ZNF106: variants seen among roughly 807,000 people sequenced by gnomAD.
ZNF106 encodes SH3-domain binding protein 3.
Under a neutral mutation model 195.1 loss-of-function variants are expected in ZNF106, and 67 were observed. The ratio of observed to expected loss-of-function variants is 0.34; its 90% CI spans 0.28 to 0.42. ZNF106 has a LOEUF of 0.42. Among genes scored for constraint, ZNF106 ranks in the 10% least tolerant of loss-of-function variants. The pLI is 1.00. For missense variants in ZNF106, 2,118 were observed against 2,304.5 expected, an observed-to-expected ratio of 0.92 and a Z score of 1.66; for synonymous variants, 784 against 818.6, an observed-to-expected ratio of 0.96 and a Z score of 0.72.
At position 42,473,386 on chromosome 15, in the gene ZNF106, G is replaced by A. The variant is rs200316218; in HGVS notation, c.-32-1065C>T. The stretch of plus-strand genomic sequence containing the variant: ...AATATCTGTTTCTCTCTTCCTCTCC[G>A]AATCATTCGCATGCCCTCCCGTTCT... On this transcript the variant is annotated intron_variant, in intron 1 of 21. Transcript: ENST00000564754. Among the ~76,000 whole-genome samples, 7 of 152,066 alleles carry A rather than the reference G, an allele frequency of 4.6e-5. No homozygotes were observed. In the East Asian group the frequency reaches 1.2e-3, roughly 25 times the overall value.
Position 42,422,497 on chromosome 15 carries a change from C to G in ZNF106, c.5373+4G>C. The G allele has an allele frequency of 6.2e-7, 1 of 1,611,038 alleles. No homozygotes were observed. On this transcript the variant is annotated splice_donor_region_variant and intron_variant, in intron 18 of 21. Transcript: ENST00000564754. ...TCAAGCAAAATACTGAATCTAAATT[C>G]TACCTGTAATTCATAGACACGAACA...
At chr15:42,481,342 GT>G (rs10706782) in intron 1 of ZNF106, among the ~76,000 whole-genome samples, 13,257 of 119,018 alleles carry the variant, frequency 0.11, 1,254 homozygotes, top group African/African-American at 0.28. Flanking sequence ...TATTCTTTCT[GT>G]TTTTTTTTTT....
chr15:42,439,274 T>A lies in ZNF106; in HGVS notation c.4303A>T (p.Ser1435Cys). The A allele has an allele frequency of 6.2e-7, 1 of 1,614,174 alleles. No homozygotes were observed. The highest frequency in any genetic ancestry group is 8.5e-7 in the Non-Finnish European group (1 of 1,180,050). Residue 1435 changes from serine (S) to cysteine (C), a missense_variant, in exon 11 of 22, where the codon AGT becomes TGT. Coordinates refer to ENST00000564754, the MANE Select transcript of ZNF106 (RefSeq NM_001366845.3). ...TCACTATCTGGCTCATCTCTGACACTCTCCTGCTCCCGACCAGTCCTGCTG... is the reference window on the plus strand; with the variant it reads ...TCACTATCTGGCTCATCTCTGACACACTCCTGCTCCCGACCAGTCCTGCTG... ...EDSRTGREQESVRDEPDSDSS... is the reference protein window; with the variant it reads ...EDSRTGREQECVRDEPDSDSS...
chr15:42,442,524 A>G (rs1034374509), intron 9 of ZNF106, 110 bp from the exon 10 acceptor site: 4 of 850,034 alleles, frequency 4.7e-6, no homozygotes, highest in African/African-American at 1.7e-5. Context: ...ATAAATAAGT[A>G]TATTAGTATA....
chr15:42,472,166 A>G lies in ZNF106; in HGVS notation c.54+70T>C. ...TAACATATGTCTATTAATATTAATA[A>G]CATCTATTAATAACATGTCTCTTTA... On this transcript the variant is annotated intron_variant, in intron 2 of 21. Transcript: ENST00000564754. 2.3e-6 allele frequency: 3 copies of G among 1,330,266 alleles called. 1 individual carries two copies. In the South Asian group the frequency reaches 4.1e-5, roughly 18 times the overall value. 82.4% of individuals were successfully genotyped at this position (1,330,266 alleles called of 1,614,324 possible). A position where few individuals can be genotyped will look rare whatever the true frequency, so the allele number is the denominator to read the frequency against.
At position 42,435,454 on chromosome 15, in the gene ZNF106, T is replaced by C. The variant is rs1330627143; in HGVS notation, c.4811A>G (p.Gln1604Arg). 18 of 1,614,070 alleles carry C rather than the reference T, an allele frequency of 1.1e-5. No homozygotes were observed. The highest frequency in any genetic ancestry group is 3.3e-5 in the Admixed American group (2 of 60,008). Residue 1604 changes from glutamine to arginine, a missense_variant, in exon 14 of 22, where the codon CAG becomes CGG. Physicochemically the swap from Gln to Arg is conservative, Grantham distance 43. Transcript: ENST00000564754. ...AAGGGCAGCATTCTTCCCGGAGGTC[T>C]GAGTAACCAGGAGGCAGTTAACTTT... Reference protein sequence around the residue: ...TSKVNCLLVTQTSGKNAALYT... With the variant: ...TSKVNCLLVTRTSGKNAALYT...
chr15:42,447,700 C>T (rs960018937), intron 6 of ZNF106, among the ~76,000 whole-genome samples: 1 of 152,144 alleles, frequency 6.6e-6, no homozygotes, highest in Non-Finnish European at 1.5e-5. Flanking sequence ...TCATCCATGC[C>T]CTACAAGTGC....
rs562320058 is a variant in ZNF106 at position 42,477,917 on chromosome 15, A to C, written c.-32-5596T>G. ...AAAAAAACAAAAAAAAACAAACAAA[A>C]AAAACTTACATTAGTGTGTTACATT... On this transcript the variant is annotated intron_variant, in intron 1 of 21. Coordinates refer to ENST00000564754, the MANE Select transcript of ZNF106 (RefSeq NM_001366845.3). Among the ~76,000 whole-genome samples the C allele has an allele frequency of 5.9e-5, 9 of 152,084 alleles. No individual in the cohort carries two copies. In the East Asian group the frequency reaches 1.4e-3, roughly 23 times the overall value.
chr15:42,474,080 A>T (rs371357367), intron 1 of ZNF106, among the ~76,000 whole-genome samples: 3 of 152,220 alleles, frequency 2.0e-5, no homozygotes, highest in African/African-American at 7.2e-5. Context: ...CTCCAGGTCC[A>T]GCCACCAATG....
rs1595435277 is a variant in ZNF106 at position 42,424,721 on chromosome 15, C to A, written c.5190+113G>T. ...TCTCGAACTTCTGAGCTCAAGCGAT[C>A]CCCCTGCCTCACCCTCCCAAAGTGC... On this transcript the variant is annotated intron_variant, in intron 16 of 21. Transcript: ENST00000564754. 5.6e-6 allele frequency: 6 copies of A among 1,069,990 alleles called. No homozygotes were observed. The South Asian group carries it at 1.1e-4, about 19-fold the overall frequency. 66.3% of individuals were successfully genotyped at this position (1,069,990 alleles called of 1,614,324 possible).
At chr15:42,465,535 C>T (rs1056241315) in intron 3 of ZNF106, among the ~76,000 whole-genome samples, 4 of 152,062 alleles carry the variant, frequency 2.6e-5, no homozygotes, top group Admixed American at 1.3e-4. Context: ...CCCTGGGCTC[C>T]CAAAGTGTTG....
In ZNF106 at chr15:42,421,998, A is replaced by G. The variant is rs759422191; in HGVS notation, c.5374-10T>C. 24 of 1,134,260 alleles carry G rather than the reference A, an allele frequency of 2.1e-5. No homozygotes were observed. In the South Asian group the frequency reaches 2.1e-4, roughly 10 times the overall value. The allele number at this position is 1,134,260 out of a possible 1,614,324, so 70.3% of individuals were successfully genotyped here. ...GTAATCGATCATGAGACTTAGGCAG[A>G]AAAAAAAAAAGAGAATTGAAGTTAT... On this transcript the variant is annotated splice_polypyrimidine_tract_variant and intron_variant, in intron 18 of 21. Coordinates refer to ENST00000564754, the MANE Select transcript of ZNF106 (RefSeq NM_001366845.3).
rs2054367321 is a variant in ZNF106 at position 42,414,297 on chromosome 15, A to G, written c.*3007T>C. On this transcript the variant is annotated 3_prime_UTR_variant, in exon 22 of 22. Transcript: ENST00000564754. The stretch of plus-strand genomic sequence containing the variant: ...TATAATTTTCAAGACTCTTGTAAGT[A>G]GTAACACACAGCCATAAGCAGCCAA... 2.6e-5 allele frequency: 4 copies of G among 152,252 alleles called. No individual in the cohort carries two copies. In the South Asian group the frequency reaches 8.3e-4, roughly 31 times the overall value. The allele number at this position is 152,252 out of a possible 1,614,324, so 9.4% of individuals were successfully genotyped here.
chr15:42,488,927 C>T (rs1025297529), intron 1 of ZNF106, among the ~76,000 whole-genome samples: 5 of 151,604 alleles, frequency 3.3e-5, no homozygotes, highest in South Asian at 2.1e-4. Flanking sequence ...AAATACAAAA[C>T]GTTAGCCAGG....
chr15:42,437,878 G>T (rs2055342915), intron 12 of ZNF106, among the ~76,000 whole-genome samples: 1 of 146,588 alleles, frequency 6.8e-6, no homozygotes, highest in Non-Finnish European at 1.5e-5. Context: ...CTGGACTCCA[G>T]CCTGGGCGAC....
intron 1 of ZNF106, among the ~76,000 whole-genome samples, chr15:42,487,490 C>CAAA (rs961444853): frequency 0.064 from 2,831 of 44,464 alleles, 376 homozygotes; most frequent in African/African-American, 0.2. Context: ...GACCCTGTCT[C>CAAA]AAAAAAAAAA....
Position 42,466,103 on chromosome 15 carries a change from T to C in ZNF106, c.66A>G (p.Glu22=), listed in dbSNP as rs1028876939. 6.5e-7 allele frequency: 1 copy of C among 1,533,374 alleles called. No homozygotes were observed. Among genetic ancestry groups the C allele is most frequent in the Non-Finnish European group, 8.7e-7 (1 of 1,145,672 alleles). The allele number at this position is 1,533,374 out of a possible 1,614,324, so 95.0% of individuals were successfully genotyped here. A position where few individuals can be genotyped will look rare whatever the true frequency, so the allele number is the denominator to read the frequency against. Residue 22 remains glutamate (E), a synonymous_variant, in exon 3 of 22, where the codon GAA becomes GAG. Transcript: ENST00000564754. ...TGTGATGCAACATGCTCCGCATGTG[T>C]TCGTCCATCTCCTTCAAAATAAAAG... ...IVYSSKKEMD[E]HMRSMLHHRE...
chr15:42,457,055 G>C lies in ZNF106; in HGVS notation c.220C>G (p.Gln74Glu). Residue 74 changes from glutamine (Q) to glutamate (E), a missense_variant, in exon 4 of 22, where the codon CAG (glutamine) becomes GAG (glutamate). Physicochemically the swap from Gln to Glu is conservative, Grantham distance 29. Coordinates refer to ENST00000564754, the MANE Select transcript of ZNF106 (RefSeq NM_001366845.3). ...GQLHKDNVDA[Q>E]EREDDGKGEE... ...CCTTTTCCATCATCTTCTCTTTCCTGGGCATCAACGTTATCTTTGTGCAAC... is the reference window on the plus strand; with the variant it reads ...CCTTTTCCATCATCTTCTCTTTCCTCGGCATCAACGTTATCTTTGTGCAAC... The C allele has an allele frequency of 6.2e-7, 1 of 1,610,874 alleles. No individual in the cohort carries two copies. The highest frequency in any genetic ancestry group is 8.5e-7 in the Non-Finnish European group (1 of 1,178,374).
intron 6 of ZNF106, 93 bp downstream of exon 6, chr15:42,447,979 C>A (rs888141734): frequency 1.4e-6 from 2 of 1,396,618 alleles, no homozygotes; most frequent in Non-Finnish European, 1.9e-6. Context: ...ATCACAATCC[C>A]AGATACCCAA....
Sources: allele counts gnomAD v4.1 joint callset (sites outside exome capture counted in the v4.1 genomes callset), GRCh38; gene constraint gnomAD v4.1.1; transcripts MANE v1.5; gene names NCBI Gene and HGNC (gene_info 2026-07-23, HGNC 2026-07-21).